RASAL2: variants seen among roughly 807,000 people sequenced by gnomAD.
The protein encoded by RASAL2 is RAS protein activator like 2.
RASAL2 carries 58 observed loss-of-function variants against 128.9 expected under a neutral mutation model. That is an observed-to-expected ratio of 0.45 (90% CI 0.36 to 0.56). RASAL2 has a LOEUF of 0.56. RASAL2 is among the 20% of genes least tolerant of loss of function. The pLI, the probability that RASAL2 is intolerant of heterozygous loss-of-function variation, is 0.00. For missense variants in RASAL2, 1,360 were observed against 1,601.6 expected (o/e 0.85, Z 2.57); for synonymous variants, 561 against 580.8 (o/e 0.97, Z 0.49).
intron 2 of RASAL2, among the ~76,000 whole-genome samples, chr1:178,292,194 G>A (rs1667310244): frequency 6.6e-6 from 1 of 151,996 alleles, no homozygotes; most frequent in Non-Finnish European, 1.5e-5. Context: ...TCATCATGGG[G>A]GTGTTTATTG....
At chr1:178,246,976 T>C (rs916084701) in intron 1 of RASAL2, among the ~76,000 whole-genome samples, 2 of 152,226 alleles carry the variant, frequency 1.3e-5, no homozygotes, top group African/African-American at 4.8e-5. Flanking sequence ...GCCAGTATTT[T>C]ATTGAGGATT....
At chr1:178,455,887 A>G (rs1486472781) in intron 12 of RASAL2, among the ~76,000 whole-genome samples, 1 of 152,240 alleles carries the variant, frequency 6.6e-6, no homozygotes, top group Non-Finnish European at 1.5e-5. Flanking sequence ...AGCAAGTATT[A>G]AAGAGTTCGT....
intron 3 of RASAL2, among the ~76,000 whole-genome samples, chr1:178,300,791 A>G (rs189053082): frequency 2.0e-5 from 3 of 152,376 alleles, no homozygotes; most frequent in Admixed American, 6.5e-5. Context: ...GGATATTTAA[A>G]TAATCAGACT....
intron 5 of RASAL2, among the ~76,000 whole-genome samples, chr1:178,432,603 C>T (rs1452031096): frequency 6.6e-6 from 1 of 152,060 alleles, no homozygotes; most frequent in African/African-American, 2.4e-5. Context: ...TTTGTACTCT[C>T]ACCTCAACCA....
At position 178,268,030 on chromosome 1, in the gene RASAL2, T is replaced by G. The variant is rs535779685; in HGVS notation, c.203-15534T>G. On this transcript the variant is annotated intron_variant, in intron 1 of 17. Transcript: ENST00000367649. ...AGTTAGTTGTTGTTTTTTGTTTTTT[T>G]TTTTAAGAGACAAGGTCTAGGCCAG... Among the ~76,000 whole-genome samples, 6 of 152,114 alleles carry G rather than the reference T, an allele frequency of 3.9e-5. No individual in the cohort carries two copies. In the South Asian group the frequency reaches 1.2e-3, roughly 32 times the overall value.
At chr1:178,235,637 T>C (rs1176232841) in intron 1 of RASAL2, among the ~76,000 whole-genome samples, 2 of 152,086 alleles carry the variant, frequency 1.3e-5, no homozygotes, top group Non-Finnish European at 2.9e-5. Flanking sequence ...TGTATGGGTA[T>C]GTATGTGCAA....
chr1:178,386,018 C>T (rs1672547799), intron 3 of RASAL2, among the ~76,000 whole-genome samples: 1 of 152,064 alleles, frequency 6.6e-6, no homozygotes, highest in Non-Finnish European at 1.5e-5. Context: ...TCCTTAGGGT[C>T]CTCTCAAATA....
At chr1:178,251,693 A>G (rs532319657) in intron 1 of RASAL2, among the ~76,000 whole-genome samples, 1 of 152,356 alleles carries the variant, frequency 6.6e-6, no homozygotes, top group East Asian at 1.9e-4. Context: ...ATTCAGTTCA[A>G]TAATTATTGA....
intron 1 of RASAL2, among the ~76,000 whole-genome samples, chr1:178,139,211 G>A (rs765998101): frequency 4.0e-5 from 6 of 151,894 alleles, no homozygotes; most frequent in Non-Finnish European, 7.4e-5. Flanking sequence ...TGGAAGAATT[G>A]TTAATCTCTA....
At chr1:178,361,269 G>A (rs1461203525) in intron 3 of RASAL2, among the ~76,000 whole-genome samples, 2 of 151,860 alleles carry the variant, frequency 1.3e-5, no homozygotes, top group South Asian at 4.2e-4. Flanking sequence ...AAATTAATGA[G>A]TTGATTGTGG....
chr1:178,372,327 G>A (rs773174465), intron 3 of RASAL2: 9 of 985,188 alleles, frequency 9.1e-6, no homozygotes, highest in Admixed American at 6.2e-5. Flanking sequence ...TTCTGGGTAC[G>A]GTAGGGCTTG....
intron 1 of RASAL2, among the ~76,000 whole-genome samples, chr1:178,106,584 ATGT>A (rs1659098768): frequency 6.6e-6 from 1 of 152,212 alleles, no homozygotes. Context: ...TTTGCTTTTA[ATGT>A]TGTCTAGTTT....
At chr1:178,440,324 CTCT>C (rs748261744) in intron 6 of RASAL2, among the ~76,000 whole-genome samples, 2 of 151,880 alleles carry the variant, frequency 1.3e-5, no homozygotes, top group Non-Finnish European at 2.9e-5. Context: ...TGTTTGGTTC[CTCT>C]TCTTATGGAC....
At chr1:178,265,309 T>C (rs1665896109) in intron 1 of RASAL2, among the ~76,000 whole-genome samples, 1 of 152,160 alleles carries the variant, frequency 6.6e-6, no homozygotes. Flanking sequence ...CCCAGGCTGG[T>C]GTGCAGTAGC....
chr1:178,157,573 T>C (rs1661125080), intron 1 of RASAL2, among the ~76,000 whole-genome samples: 1 of 152,144 alleles, frequency 6.6e-6, no homozygotes, highest in Non-Finnish European at 1.5e-5. Flanking sequence ...TATCTGCTGC[T>C]CCCTGGGTTG....
intron 1 of RASAL2, among the ~76,000 whole-genome samples, chr1:178,169,576 A>G: frequency 6.6e-6 from 1 of 152,132 alleles, no homozygotes; most frequent in East Asian, 1.9e-4. Context: ...GCCAAGAGAT[A>G]TGCGGAAGTC....
chr1:178,106,175 TA>T (rs1450449489), intron 1 of RASAL2, among the ~76,000 whole-genome samples: 3 of 152,346 alleles, frequency 2.0e-5, no homozygotes, highest in African/African-American at 4.8e-5. Context: ...GAAATTTTTT[TA>T]ATGTCATATT....
In RASAL2 at chr1:178,466,097, A is replaced by T; in HGVS notation, c.3565A>T (p.Ser1189Cys). Reference protein sequence around the residue: ...RLRRQQEEKDSQMKSIISRLM... With the variant: ...RLRRQQEEKDCQMKSIISRLM... ...CCGAAGACAGCAGGAAGAAAAAGATAGCCAGATGAAAAGCATCATCAGCAG... is the reference window on the plus strand; with the variant it reads ...CCGAAGACAGCAGGAAGAAAAAGATTGCCAGATGAAAAGCATCATCAGCAG... Residue 1189 changes from serine to cysteine, a missense_variant, in exon 16 of 18, where the codon AGC (serine) becomes TGC (cysteine). Physicochemically the swap from Ser to Cys is moderately radical, Grantham distance 112. Coordinates refer to ENST00000367649, the MANE Select transcript of RASAL2 (RefSeq NM_170692.4). 1 of 1,570,178 alleles carries T rather than the reference A, an allele frequency of 6.4e-7. No individual in the cohort carries two copies. The highest frequency in any genetic ancestry group is 8.6e-7 in the Non-Finnish European group (1 of 1,156,422).
chr1:178,115,813 A>G (rs1283877242), intron 1 of RASAL2, among the ~76,000 whole-genome samples: 1 of 152,164 alleles, frequency 6.6e-6, no homozygotes, highest in Non-Finnish European at 1.5e-5. Context: ...GGCTAGGGAG[A>G]TGGTAGAGAA....
Sources: allele counts gnomAD v4.1 joint callset (sites outside exome capture counted in the v4.1 genomes callset), GRCh38; gene constraint gnomAD v4.1.1; transcripts MANE v1.5; gene names NCBI Gene and HGNC (gene_info 2026-07-23, HGNC 2026-07-21).